SLX4IP: variants seen among roughly 807,000 people sequenced by gnomAD.
SLX4IP encodes the protein protein SLX4IP.
SLX4IP carries 34 observed loss-of-function variants against 32.9 expected under a neutral mutation model. The ratio of observed to expected loss-of-function variants is 1.03; its 90% CI spans 0.79 to 1.38. SLX4IP has a LOEUF of 1.38. Among genes scored for constraint, SLX4IP ranks in the 40% most tolerant of loss-of-function variants. The probability of loss-of-function intolerance (pLI) is 0.00; values close to 1 mark genes in which losing one functional copy is unlikely to be tolerated. For missense variants in SLX4IP, 444 were observed against 479.0 expected, an observed-to-expected ratio of 0.93 and a Z score of 0.68; for synonymous variants, 172 against 171.7, an observed-to-expected ratio of 1.00 and a Z score of -0.01.
intron 6 of SLX4IP, among the ~76,000 whole-genome samples, chr20:10,608,502 A>G (rs578024929): frequency 1.3e-5 from 2 of 151,732 alleles, no homozygotes; most frequent in East Asian, 3.9e-4. Context: ...CATCTCTACT[A>G]AAAATACAGG....
At chr20:10,594,517 C>T (rs867637129) in intron 4 of SLX4IP, among the ~76,000 whole-genome samples, 9 of 152,200 alleles carry the variant, frequency 5.9e-5, no homozygotes, top group Non-Finnish European at 1.3e-4. Flanking sequence ...TGGGGAAGCT[C>T]AAGTCGCCTT....
intron 4 of SLX4IP, among the ~76,000 whole-genome samples, chr20:10,566,283 ATTTTTTTTTTTTTTTTT>A (rs59907123): frequency 2.0e-5 from 2 of 97,858 alleles, no homozygotes; most frequent in Admixed American, 1.2e-4. Context: ...AACTGATTAC[ATTTTTTTTTTTTTTTTT>A]TTTTTTTTTT....
intron 6 of SLX4IP, chr20:10,612,841 T>C (rs1221041135): frequency 6.5e-6 from 1 of 153,400 alleles, no homozygotes. Context: ...CGCCCAGCCA[T>C]TAATTATTAT....
chr20:10,436,028 C>A (rs2065109607), intron 1 of SLX4IP, among the ~76,000 whole-genome samples: 1 of 143,754 alleles, frequency 7.0e-6, no homozygotes, highest in South Asian at 2.2e-4. Flanking sequence ...CTTTCTCCTT[C>A]CCCTGAACTA....
chr20:10,480,711 G>T (rs1028444326), intron 2 of SLX4IP, among the ~76,000 whole-genome samples: 4 of 152,148 alleles, frequency 2.6e-5, no homozygotes, highest in Non-Finnish European at 5.9e-5. Context: ...AAATAAATAG[G>T]TTGAACTGAT....
At chr20:10,540,154 T>A (rs2066090499) in intron 2 of SLX4IP, among the ~76,000 whole-genome samples, 1 of 149,832 alleles carries the variant, frequency 6.7e-6, no homozygotes, top group Non-Finnish European at 1.5e-5. Flanking sequence ...TTTCCTTCCT[T>A]CCTTCTCTCC....
intron 2 of SLX4IP, among the ~76,000 whole-genome samples, chr20:10,459,726 C>T (rs1325956109): frequency 2.0e-5 from 3 of 152,028 alleles, no homozygotes; most frequent in Non-Finnish European, 1.5e-5. Context: ...TATAAATGTC[C>T]CTTGTTTGTT....
intron 2 of SLX4IP, among the ~76,000 whole-genome samples, chr20:10,514,259 A>G (rs1051325358): frequency 1.3e-5 from 2 of 152,128 alleles, no homozygotes; most frequent in Non-Finnish European, 2.9e-5. Context: ...GGTGTATTCT[A>G]TTTGGTGCAT....
At chr20:10,546,333 G>A (rs983265982) in intron 2 of SLX4IP, among the ~76,000 whole-genome samples, 1 of 152,218 alleles carries the variant, frequency 6.6e-6, no homozygotes, top group African/African-American at 2.4e-5. Flanking sequence ...TACTTGTAAT[G>A]TGGTGTGATT....
chr20:10,540,929 T>C (rs1357570679), intron 2 of SLX4IP, among the ~76,000 whole-genome samples: 1 of 152,246 alleles, frequency 6.6e-6, no homozygotes, highest in African/African-American at 2.4e-5. Flanking sequence ...TTACTCATTC[T>C]GTAGAAATTC....
chr20:10,454,036 C>A (rs987982847), intron 1 of SLX4IP, among the ~76,000 whole-genome samples: 1 of 152,104 alleles, frequency 6.6e-6, no homozygotes, highest in South Asian at 2.1e-4. Context: ...GCTGTAGTAT[C>A]TGCAATCTCC....
chr20:10,584,790 TGGAAGA>T (rs969833407), intron 4 of SLX4IP, among the ~76,000 whole-genome samples: 5 of 152,202 alleles, frequency 3.3e-5, no homozygotes, highest in African/African-American at 1.2e-4. Flanking sequence ...ATTTAATAAC[TGGAAGA>T]GGAAGTAGAA....
chr20:10,592,849 G>A (rs977024198), intron 4 of SLX4IP, among the ~76,000 whole-genome samples: 1 of 151,890 alleles, frequency 6.6e-6, no homozygotes, highest in African/African-American at 2.4e-5. Context: ...AGCCAGGATG[G>A]TCTCGATCTC....
At chr20:10,573,622 CAT>C (rs1452315308) in intron 4 of SLX4IP, among the ~76,000 whole-genome samples, 2 of 152,184 alleles carry the variant, frequency 1.3e-5, no homozygotes, top group South Asian at 2.1e-4. Flanking sequence ...AATAGTCACT[CAT>C]GTGGTTTTAG....
intron 2 of SLX4IP, among the ~76,000 whole-genome samples, chr20:10,471,084 T>C (rs1393728938): frequency 6.6e-6 from 1 of 152,222 alleles, no homozygotes; most frequent in Non-Finnish European, 1.5e-5. Context: ...CATAATGCTG[T>C]GAAAGTGGGA....
At chr20:10,544,406 C>T (rs2066140592) in intron 2 of SLX4IP, among the ~76,000 whole-genome samples, 1 of 152,194 alleles carries the variant, frequency 6.6e-6, no homozygotes, top group Admixed American at 6.5e-5. Context: ...TTGTTTGTGA[C>T]AGGGTGTCCA....
intron 2 of SLX4IP, among the ~76,000 whole-genome samples, chr20:10,526,136 G>A (rs999229411): frequency 1.8e-4 from 28 of 151,814 alleles, no homozygotes; most frequent in Non-Finnish European, 2.9e-5. Context: ...GCACTTTCAC[G>A]CCTCTGCATT....
intron 2 of SLX4IP, among the ~76,000 whole-genome samples, chr20:10,544,946 G>A (rs2122483244): frequency 6.6e-6 from 1 of 152,174 alleles, no homozygotes; most frequent in East Asian, 1.9e-4. Context: ...CTGTAGCAGG[G>A]GCTCTTAAAC....
rs1224726349 is a variant in SLX4IP, at chr20:10,601,775, C to T, written c.361C>T (p.Leu121Phe). The T allele has an allele frequency of 2.5e-6, 4 of 1,614,054 alleles. No homozygotes were observed. The highest frequency in any genetic ancestry group is 3.4e-6 in the Non-Finnish European group (4 of 1,179,962). Residue 121 changes from leucine to phenylalanine, a missense_variant, in exon 6 of 8, where the codon CTT becomes TTT. By Grantham distance (22) the Leu-to-Phe change is conservative. Transcript: ENST00000334534. ...CAGATTTGTGGTTTGTGTCAGTCAG[C>T]TTGCATTCAGTCGTGATCTTTTAGC... is the stretch of plus-strand genomic sequence containing the variant. ...PDRFVVCVSQLAFSRDLLASQ... is the reference protein window; with the variant it reads ...PDRFVVCVSQFAFSRDLLASQ...
Sources: allele counts gnomAD v4.1 joint callset (sites outside exome capture counted in the v4.1 genomes callset), GRCh38; gene constraint gnomAD v4.1.1; transcripts MANE v1.5; gene names NCBI Gene and HGNC (gene_info 2026-07-23, HGNC 2026-07-21).